MACC1: variants seen among roughly 807,000 people sequenced by gnomAD.
MACC1 encodes the protein metastasis-associated in colon cancer protein 1.
A neutral mutation model predicts 70.7 loss-of-function variants in MACC1; 79 were observed. The observed-to-expected ratio is 1.12, with a 90% CI of 0.93 to 1.35. The LOEUF (loss-of-function observed/expected upper bound fraction) is 1.35, where lower values mean the gene tolerates loss of function less well. Ranked by LOEUF, MACC1 falls within the 40% of genes most tolerant of loss-of-function variation. The probability of loss-of-function intolerance (pLI) is 0.00; values close to 1 mark genes in which losing one functional copy is unlikely to be tolerated. For synonymous variants in MACC1, 361 were observed against 347.2 expected (o/e 1.04, Z -0.44); for missense variants, 1,106 against 978.1 (o/e 1.13, Z -1.74).
intron 2 of MACC1, among the ~76,000 whole-genome samples, chr7:20,168,574 C>G (rs1421610944): frequency 1.3e-5 from 2 of 152,146 alleles, no homozygotes; most frequent in Non-Finnish European, 2.9e-5. Flanking sequence ...TATCCTCGGT[C>G]CCACCTTTTA....
intron 6 of MACC1, among the ~76,000 whole-genome samples, chr7:20,150,086 T>C (rs1218871981): frequency 4.6e-5 from 7 of 152,202 alleles, no homozygotes; most frequent in Non-Finnish European, 7.3e-5. Flanking sequence ...TAGCTGACAA[T>C]GAACATTTGG....
rs561940521 is a variant in MACC1 at position 20,159,634 on chromosome 7, C to T, written c.727G>A (p.Val243Met). Residue 243 changes from valine to methionine, a missense_variant, in exon 5 of 7, where the codon GTG becomes ATG. Coordinates refer to ENST00000400331, the MANE Select transcript of MACC1 (RefSeq NM_182762.4). ...AGAGACACCTCTTGGAATTCTCCCA[C>T]AGCCACATGACCTTGGGGCACATGA... is the stretch of plus-strand genomic sequence containing the variant. ...TVHVPQGHVA[V>M]GEFQEVSLRA... 5 of 1,614,168 alleles carry T rather than the reference C, an allele frequency of 3.1e-6. No homozygotes were observed. The South Asian group carries it at 4.4e-5, about 14-fold the overall frequency.
At chr7:20,141,921 T>C (rs1391347603) in intron 6 of MACC1, 1 of 145,498 alleles carries the variant, frequency 6.9e-6, no homozygotes, top group Non-Finnish European at 1.5e-5. Flanking sequence ...TAAGACAAAT[T>C]GTAGAATACA....
intron 1 of MACC1, among the ~76,000 whole-genome samples, chr7:20,178,860 A>G (rs1782455524): frequency 6.6e-6 from 1 of 152,200 alleles, no homozygotes; most frequent in South Asian, 2.1e-4. Context: ...TTGGCCTCCC[A>G]AAGTGTTGGG....
At chr7:20,171,170 T>C (rs1221360659) in intron 1 of MACC1, among the ~76,000 whole-genome samples, 2 of 152,162 alleles carry the variant, frequency 1.3e-5, no homozygotes, top group African/African-American at 2.4e-5. Context: ...GACATATATA[T>C]GATTCAGCTG....
intron 2 of MACC1, among the ~76,000 whole-genome samples, chr7:20,167,578 A>T (rs1782239340): frequency 1.3e-5 from 2 of 151,382 alleles, no homozygotes; most frequent in South Asian, 4.2e-4. Context: ...TAAGTAGCAA[A>T]CCAGTCTTTG....
rs754453455 is a variant in MACC1 at position 20,159,485 on chromosome 7, AAT to A, written c.874_875del (p.Ile292TrpfsTer3). Reference sequence around the variant, plus strand: ...AAGGATCCTTTCTTACTTCAGCCCCAATTTTCATCTCCAGCAAAAGGGCTTCC... The same window carrying A: ...AAGGATCCTTTCTTACTTCAGCCCCATTTCATCTCCAGCAAAAGGGCTTCC... ...TMEALLLEMK[I>X]GAEVRKDPFS... On this transcript the variant is annotated frameshift_variant, in exon 5 of 7. Coordinates refer to ENST00000400331, the MANE Select transcript of MACC1 (RefSeq NM_182762.4). LOFTEE classifies it high-confidence loss of function. 2.4e-5 allele frequency: 38 copies of A among 1,613,980 alleles called. No individual in the cohort carries two copies. In the South Asian group the frequency reaches 3.7e-4, roughly 16 times the overall value.
At chr7:20,160,351 A>G (rs908087296) in intron 4 of MACC1, 106 bp from the exon 5 acceptor site, 4 of 1,355,698 alleles carry the variant, frequency 3.0e-6, no homozygotes, top group Admixed American at 5.4e-5. Context: ...CTTACTTTTC[A>G]TTTTTCTTTC....
At chr7:20,171,791 A>C (rs1196309366) in intron 1 of MACC1, among the ~76,000 whole-genome samples, 1 of 152,096 alleles carries the variant, frequency 6.6e-6, no homozygotes, top group Non-Finnish European at 1.5e-5. Context: ...CATATAGGTC[A>C]AGCTGGTCTC....
At chr7:20,206,089 T>C (rs1776669481) in intron 1 of MACC1, among the ~76,000 whole-genome samples, 1 of 151,720 alleles carries the variant, frequency 6.6e-6, no homozygotes, top group Non-Finnish European at 1.5e-5. Context: ...CGTCATCTGC[T>C]TGGTAAATCC....
intron 1 of MACC1, among the ~76,000 whole-genome samples, chr7:20,176,836 T>A (rs1782400394): frequency 6.6e-6 from 1 of 152,172 alleles, no homozygotes; most frequent in Non-Finnish European, 1.5e-5. Flanking sequence ...AAGGTATGAT[T>A]TCATTTACAT....
intron 1 of MACC1, among the ~76,000 whole-genome samples, chr7:20,214,195 C>A (rs547196707): frequency 6.6e-6 from 1 of 152,208 alleles, no homozygotes; most frequent in African/African-American, 2.4e-5. Context: ...CCATTTTGAG[C>A]CCCCTGTTAT....
intron 6 of MACC1, among the ~76,000 whole-genome samples, chr7:20,147,848 A>G (rs1011590463): frequency 6.6e-6 from 1 of 152,194 alleles, no homozygotes; most frequent in Admixed American, 6.5e-5. Flanking sequence ...CTAACATTAT[A>G]GGAAAACCTG....
intron 1 of MACC1, among the ~76,000 whole-genome samples, chr7:20,205,681 T>A (rs1385460656): frequency 6.6e-6 from 1 of 152,232 alleles, no homozygotes; most frequent in Non-Finnish European, 1.5e-5. Flanking sequence ...TTTAAACATT[T>A]CTCAAGGGTT....
At chr7:20,173,170 G>C (rs1007136816) in intron 1 of MACC1, among the ~76,000 whole-genome samples, 4 of 152,168 alleles carry the variant, frequency 2.6e-5, no homozygotes, top group African/African-American at 9.7e-5. Context: ...GTTTCTGGGA[G>C]ATAAATTGAG....
At chr7:20,176,166 G>A (rs1348779850) in intron 1 of MACC1, among the ~76,000 whole-genome samples, 1 of 152,040 alleles carries the variant, frequency 6.6e-6, no homozygotes, top group African/African-American at 2.4e-5. Flanking sequence ...AATATTTTTA[G>A]GTTTCTGAAT....
intron 3 of MACC1, among the ~76,000 whole-genome samples, chr7:20,163,066 G>T (rs754734148): frequency 6.6e-6 from 1 of 151,794 alleles, no homozygotes; most frequent in Non-Finnish European, 1.5e-5. Flanking sequence ...AAAGATTCCC[G>T]CAAATCAATA....
rs575052283 is a variant in MACC1, at chr7:20,210,530, C to T, written c.-218+6769G>A. 1.6e-4 allele frequency among the ~76,000 whole-genome samples: 25 copies of T among 152,308 alleles called. No homozygotes were observed. The South Asian group carries it at 2.1e-3, about 13-fold the overall frequency. On this transcript the variant is annotated intron_variant, in intron 1 of 6. Transcript: ENST00000400331. ...ATAAATGAATGAATGACGCTACCTA[C>T]GTCACAGTGACCTATATTGATTCCC... is the stretch of plus-strand genomic sequence containing the variant.
chr7:20,196,454 A>C (rs569845306), intron 1 of MACC1, among the ~76,000 whole-genome samples: 20 of 152,314 alleles, frequency 1.3e-4, no homozygotes, highest in African/African-American at 4.6e-4. Context: ...TGCTGGGATT[A>C]CAGGCGTGAG....
Sources: gnomAD v4.1 joint callset for allele counts (sites outside exome capture counted in the v4.1 genomes callset) on GRCh38, gnomAD v4.1.1 for gene constraint, MANE v1.5 for transcripts, NCBI Gene and HGNC (gene_info 2026-07-23, HGNC 2026-07-21) for gene names.